The following CPZ variants were observed in gnomAD, a reference collection of about 807,000 sequenced individuals.
The protein encoded by CPZ is VEZT/CPZ fusion.
Under a neutral mutation model 61.8 loss-of-function variants are expected in CPZ, and 103 were observed. The observed-to-expected ratio is 1.67, with a 90% CI of 1.42 to 1.96. CPZ has a LOEUF of 1.96. Among genes scored for constraint, CPZ ranks in the 30% most tolerant of loss-of-function variants. The pLI is 0.00. For synonymous variants in CPZ, 551 were observed against 373.7 expected (o/e 1.47, Z -5.47); for missense variants, 1,461 against 914.9 (o/e 1.60, Z -7.70).
intron 4 of CPZ, among the ~76,000 whole-genome samples, chr4:8,605,615 C>A (rs897701844): frequency 3.5e-5 from 5 of 141,706 alleles, no homozygotes; most frequent in Non-Finnish European, 7.7e-5. Flanking sequence ...TCCATCCATC[C>A]ATCCATCCAT....
intron 1 of CPZ, among the ~76,000 whole-genome samples, chr4:8,595,095 A>G (rs1307935655): frequency 1.3e-5 from 2 of 152,266 alleles, no homozygotes; most frequent in Non-Finnish European, 2.9e-5. Context: ...ATTTAACCCA[A>G]TATGTCCAAA....
At chr4:8,608,162 T>C (rs575123436) in intron 7 of CPZ, among the ~76,000 whole-genome samples, 152 of 88,958 alleles carry the variant, frequency 1.7e-3, no homozygotes, top group Admixed American at 2.4e-3. Flanking sequence ...AGCCCCCAGC[T>C]GCGGATCCTG....
rs374358121 is a variant in CPZ at position 8,619,521 on chromosome 4, G to A, written c.1863G>A (p.Ala621=). 1.9e-5 allele frequency: 31 copies of A among 1,593,168 alleles called. No homozygotes were observed. Among genetic ancestry groups the A allele is most frequent in the African/African-American group, 8.1e-5 (6 of 74,334 alleles). ...GEATEPDPLR[A]RRQPSADGSK... is the part of the protein sequence containing the mutation. ...CCACGGAGCCCGACCCGCTCCGGGC[G>A]CGCAGGCAGCCCTCGGCCGACGGGA... Residue 621 remains alanine (A), a synonymous_variant, in exon 11 of 11, where the codon GCG becomes GCA. Coordinates refer to ENST00000360986, the MANE Select transcript of CPZ (RefSeq NM_001014447.3).
chr4:8,613,785 C>A (rs1715918337), intron 8 of CPZ, among the ~76,000 whole-genome samples: 1 of 152,162 alleles, frequency 6.6e-6, no homozygotes, highest in African/African-American at 2.4e-5. Flanking sequence ...GGCTGGTTGT[C>A]CACCCTAGCC....
intron 10 of CPZ, among the ~76,000 whole-genome samples, chr4:8,618,835 G>C (rs1248382839): frequency 6.6e-6 from 1 of 152,218 alleles, no homozygotes; most frequent in African/African-American, 2.4e-5. Flanking sequence ...CCCTAAGCCT[G>C]TTTGTTTCTA....
rs1484039539 is a variant in CPZ at position 8,596,483 on chromosome 4, C to T, written c.89-2970C>T. ...CCCAGCCAGCAGACACTCTTCCTGC[C>T]CCTTGGGAAACCCCGATGGGGCTGC... On this transcript the variant is annotated intron_variant, in intron 1 of 10. Coordinates refer to ENST00000360986, the MANE Select transcript of CPZ (RefSeq NM_001014447.3). Among the ~76,000 whole-genome samples the T allele has an allele frequency of 3.3e-5, 5 of 152,380 alleles. No individual in the cohort carries two copies. The South Asian group carries it at 1.0e-3, about 32-fold the overall frequency.
rs200143019 is a variant in CPZ at position 8,610,515 on chromosome 4, GGA to G, written c.1228-1506_1228-1505del. Among the ~76,000 whole-genome samples, 1,425 of 152,280 alleles carry G rather than the reference GGA, an allele frequency of 9.4e-3. 23 individuals carry two copies. The highest frequency in any genetic ancestry group is 0.033 in the African/African-American group (1,369 of 41,548). On this transcript the variant is annotated intron_variant, in intron 7 of 10. Transcript: ENST00000360986. The stretch of plus-strand genomic sequence containing the variant: ...GTGGGTTGGGTCAGGAGCAGACTTT[GGA>G]GAGAGTCTTGTCCCACCCTCCTACC...
Position 8,618,507 on chromosome 4 carries a change from A to C in CPZ, c.1582A>C (p.Ile528Leu), listed in dbSNP as rs1164190173. The C allele has an allele frequency of 3.7e-6, 6 of 1,614,018 alleles. No homozygotes were observed. The African/African-American group carries it at 4.0e-5, about 11-fold the overall frequency. The change falls in exon 10 of 11, where the codon ATT becomes CTT. Residue 528 changes from isoleucine (I) to leucine (L), a missense_variant. Coordinates refer to ENST00000360986, the MANE Select transcript of CPZ (RefSeq NM_001014447.3). ...AAACGCCCGGATCTCAGTCAAAGGC[A>C]TTCGCCACGACATCACCACAGGTGA... ...VKNARISVKG[I>L]RHDITTAPDG...
chr4:8,619,201 A>G (rs930789588), intron 10 of CPZ, 61 bp from the exon 11 acceptor site: 14 of 1,438,148 alleles, frequency 9.7e-6, no homozygotes, highest in Non-Finnish European at 1.3e-5. Context: ...TCCATCACCC[A>G]TCACCCCGTG....
chr4:8,599,842 G>A, intron 2 of CPZ: 1 of 284,638 alleles, frequency 3.5e-6, no homozygotes, highest in Non-Finnish European at 6.6e-6. Context: ...CTGAGTCTGG[G>A]GTTTGGGTGA....
rs778524876 is a variant in CPZ, at chr4:8,619,669, C to T, written c.*52C>T. 4.5e-6 allele frequency: 6 copies of T among 1,337,916 alleles called. No individual in the cohort carries two copies. In the South Asian group the frequency reaches 5.0e-5, roughly 11 times the overall value. 82.9% of individuals were successfully genotyped at this position (1,337,916 alleles called of 1,614,324 possible). On this transcript the variant is annotated 3_prime_UTR_variant, in exon 11 of 11. Coordinates refer to ENST00000360986, the MANE Select transcript of CPZ (RefSeq NM_001014447.3). The stretch of plus-strand genomic sequence containing the variant: ...TGGAGACCGAGGCCCATCTCCGCAT[C>T]CCGGGCTCCTGGCTCTTGATTTTGT...
chr4:8,604,274 G>T lies in CPZ; in HGVS notation c.709+86G>T, dbSNP rs536035043. 4 of 1,316,510 alleles carry T rather than the reference G, an allele frequency of 3.0e-6. No individual in the cohort carries two copies. The South Asian group carries it at 4.5e-5, about 15-fold the overall frequency. The allele number at this position is 1,316,510 out of a possible 1,614,324, so 81.6% of individuals were successfully genotyped here. On this transcript the variant is annotated intron_variant, in intron 4 of 10. Coordinates refer to ENST00000360986, the MANE Select transcript of CPZ (RefSeq NM_001014447.3). ...ACCTTCGGGTGCACAAGTTGGTGGG[G>T]TGTTTGGGGTCCTGGGCAGAGCTGG... is the stretch of plus-strand genomic sequence containing the variant.
chr4:8,593,012 C>T (rs1378016479), intron 1 of CPZ, 91 bp downstream of exon 1: 4 of 1,013,224 alleles, frequency 3.9e-6, no homozygotes, highest in African/African-American at 3.3e-5. Context: ...CGGGAGCTTT[C>T]TTCCAGTAGG....
intron 8 of CPZ, among the ~76,000 whole-genome samples, 188 bp from the exon 9 acceptor site, chr4:8,614,171 G>A (rs552104733): frequency 6.6e-5 from 10 of 152,338 alleles, no homozygotes; most frequent in East Asian, 5.8e-4. Flanking sequence ...CAGGAGGGGC[G>A]TCTGTGGCGA....
At chr4:8,614,549 TG>T (rs1469839840) in intron 9 of CPZ, 51 bp downstream of exon 9, 2 of 1,589,990 alleles carry the variant, frequency 1.3e-6, no homozygotes, top group South Asian at 2.3e-5. Flanking sequence ...CTGGGTGGGG[TG>T]GGTCACATTC....
intron 1 of CPZ, among the ~76,000 whole-genome samples, chr4:8,596,494 C>T (rs1714193624): frequency 6.6e-6 from 1 of 152,246 alleles, no homozygotes; most frequent in African/African-American, 2.4e-5. Context: ...CCTTGGGAAA[C>T]CCCGATGGGG....
chr4:8,605,531 T>TA (rs1714893680), intron 4 of CPZ, among the ~76,000 whole-genome samples: 1 of 151,680 alleles, frequency 6.6e-6, no homozygotes, highest in South Asian at 2.1e-4. Flanking sequence ...CCATCATTGA[T>TA]TTATCCATCT....
At chr4:8,610,012 G>A (rs189283768) in intron 7 of CPZ, among the ~76,000 whole-genome samples, 1 of 152,180 alleles carries the variant, frequency 6.6e-6, no homozygotes, top group Non-Finnish European at 1.5e-5. Flanking sequence ...TGCTCCACAC[G>A]TGCCCCTTTG....
intron 7 of CPZ, among the ~76,000 whole-genome samples, chr4:8,609,238 TC>T (rs1715417085): frequency 1.2e-4 from 6 of 51,654 alleles, no homozygotes; most frequent in Non-Finnish European, 2.2e-4. Flanking sequence ...TCATTGTCAC[TC>T]ATTCACTCAT....
Sources: allele counts gnomAD v4.1 joint callset (sites outside exome capture counted in the v4.1 genomes callset), GRCh38; gene constraint gnomAD v4.1.1; transcripts MANE v1.5; gene names NCBI Gene and HGNC (gene_info 2026-07-23, HGNC 2026-07-21).